Variants in MED14 observed in about 807,000 individuals in gnomAD.
The protein encoded by MED14 is mediator complex subunit 14.
In MED14, 8 loss-of-function variants were observed where a neutral mutation model predicts 109.0. The observed-to-expected ratio is 0.07, with a 90% CI of 0.04 to 0.13. MED14 has a LOEUF of 0.13. Ranked by LOEUF, MED14 falls within the 10% of genes least tolerant of loss-of-function variation. MED14 has a pLI of 1.00. For synonymous variants in MED14, 399 were observed against 408.7 expected (o/e 0.98, Z 0.29); for missense variants, 711 against 1,142.4 (o/e 0.62, Z 5.44).
At position 40,682,769 on chromosome X, in the gene MED14, T is replaced by C. The variant is rs1415317888; in HGVS notation, c.2219-20A>G. 1 of 1,205,120 alleles carries C rather than the reference T, an allele frequency of 8.3e-7. No homozygotes were observed. On this transcript the variant is annotated intron_variant, in intron 17 of 30. Transcript: ENST00000324817. ...ATGGTCCTACAGGATTAAAAGAGAA[T>C]ATTAATAGTAATCGATACCAAAAAA...
intron 19 of MED14, 81 bp from the exon 20 acceptor site, chrX:40,680,991 G>A: frequency 7.1e-6 from 5 of 706,294 alleles, no homozygotes; most frequent in South Asian, 3.0e-5. Flanking sequence ...TTAAAAGTAA[G>A]GCAAAACGCC....
intron 1 of MED14, among the ~76,000 whole-genome samples, chrX:40,730,786 G>A (rs1402544762): frequency 1.9e-5 from 2 of 107,648 alleles, no homozygotes; most frequent in African/African-American, 6.7e-5. Context: ...AGCACAATAA[G>A]ACAAGATTAC....
rs201344683 is a variant in MED14, at chrX:40,706,768, AT to A, written c.1285+2579del. Among the ~76,000 whole-genome samples the A allele has an allele frequency of 6.2e-3, 694 of 111,773 alleles. 6 individuals carry two copies. The highest frequency in any genetic ancestry group is 0.021 in the African/African-American group (643 of 30,813). Reference sequence around the variant, plus strand: ...AAAGTAATTTAACTATCCCTTGGCAATCATAGTTTTTTGTTTCTGTTTTTTA... The same window carrying A: ...AAAGTAATTTAACTATCCCTTGGCAACATAGTTTTTTGTTTCTGTTTTTTA... On this transcript the variant is annotated intron_variant, in intron 10 of 30. Coordinates refer to ENST00000324817, the MANE Select transcript of MED14 (RefSeq NM_004229.4).
intron 1 of MED14, among the ~76,000 whole-genome samples, chrX:40,731,071 G>A (rs139184195): frequency 0.054 from 5,858 of 108,215 alleles, 282 homozygotes; most frequent in African/African-American, 0.16. Flanking sequence ...AGCCCTGGAA[G>A]TCAAGGCTGC....
intron 15 of MED14, among the ~76,000 whole-genome samples, chrX:40,689,426 G>A (rs1218256363): frequency 8.9e-6 from 1 of 111,876 alleles, no homozygotes; most frequent in Non-Finnish European, 1.9e-5. Flanking sequence ...AGATGCGGTG[G>A]CTCACACCTG....
intron 24 of MED14, among the ~76,000 whole-genome samples, chrX:40,665,844 C>T (rs1407344888): frequency 8.0e-5 from 9 of 112,022 alleles, no homozygotes; most frequent in Non-Finnish European, 7.5e-5. Flanking sequence ...GATATGAGCA[C>T]AGATGGCACC....
At chrX:40,729,281 A>G (rs776084440) in intron 2 of MED14, 38 bp downstream of exon 2, 2 of 1,184,028 alleles carry the variant, frequency 1.7e-6, no homozygotes, top group Non-Finnish European at 2.3e-6. Flanking sequence ...AGATTGATCA[A>G]TAAAGAGACT....
At chrX:40,717,819 G>A (rs1457564176) in intron 3 of MED14, among the ~76,000 whole-genome samples, 2 of 112,237 alleles carry the variant, frequency 1.8e-5, no homozygotes, top group African/African-American at 3.2e-5. Context: ...CACTGCACCC[G>A]GCCATCTTCT....
chrX:40,716,173 T>C (rs763570025), intron 3 of MED14, among the ~76,000 whole-genome samples: 1 of 111,513 alleles, frequency 9.0e-6, no homozygotes, highest in Non-Finnish European at 1.9e-5. Context: ...AAAATGACTA[T>C]TATCAAAAAG....
chrX:40,718,986 T>C (rs1487430673), intron 3 of MED14, among the ~76,000 whole-genome samples: 1 of 112,131 alleles, frequency 8.9e-6, no homozygotes, highest in African/African-American at 3.2e-5. Flanking sequence ...ATAATCTCCT[T>C]TAGAATTTAA....
chrX:40,655,125 A>G (rs1481684362), intron 28 of MED14, 65 bp from the exon 29 acceptor site: 16 of 1,089,676 alleles, frequency 1.5e-5, no homozygotes, highest in Non-Finnish European at 2.0e-5. Flanking sequence ...TCTAGGTAGG[A>G]AAGTCTGAGA....
At chrX:40,730,866 G>A (rs1252807801) in intron 1 of MED14, among the ~76,000 whole-genome samples, 4 of 99,528 alleles carry the variant, frequency 4.0e-5, no homozygotes, top group East Asian at 3.5e-4. Context: ...GGTCAGGTAC[G>A]GTGGCTCACA....
chrX:40,713,317 C>A (rs973169836), intron 5 of MED14, among the ~76,000 whole-genome samples: 3 of 111,761 alleles, frequency 2.7e-5, no homozygotes, highest in African/African-American at 9.8e-5. Flanking sequence ...TCCCAAGCTG[C>A]AAATACCAGC....
intron 22 of MED14, among the ~76,000 whole-genome samples, chrX:40,672,580 A>C (rs927802768): frequency 2.7e-5 from 3 of 112,090 alleles, no homozygotes; most frequent in African/African-American, 9.7e-5. Flanking sequence ...AATAATTATC[A>C]ATTTTTTTCT....
chrX:40,702,648 T>C (rs1367016986), intron 11 of MED14, among the ~76,000 whole-genome samples: 1 of 111,781 alleles, frequency 8.9e-6, no homozygotes, highest in East Asian at 2.8e-4. Context: ...ACGCCTGGCC[T>C]AAATATAAGT....
At chrX:40,662,873 T>A (rs1328974395) in intron 26 of MED14, 52 bp downstream of exon 26, 4 of 963,430 alleles carry the variant, frequency 4.2e-6, no homozygotes, top group Admixed American at 5.2e-5. Flanking sequence ...CAGGACAATT[T>A]AGCATTTTAC....
chrX:40,655,922 C>T lies in MED14; in HGVS notation c.3973-862G>A, dbSNP rs192608704. ...CGTAAGACTGAAAAAAATACATCAG[C>T]TGCCATCTGGATTCCATCTATATAA... On this transcript the variant is annotated intron_variant, in intron 28 of 30. Transcript: ENST00000324817. 1.9e-3 allele frequency among the ~76,000 whole-genome samples: 205 copies of T among 110,749 alleles called. 1 individual carries two copies. Among genetic ancestry groups the T allele is most frequent in the Non-Finnish European group, 3.5e-3 (183 of 52,880 alleles).
intron 21 of MED14, among the ~76,000 whole-genome samples, chrX:40,679,146 C>T (rs747941576): frequency 1.8e-5 from 2 of 112,151 alleles, no homozygotes; most frequent in South Asian, 7.4e-4. Context: ...TTTTAAAAAG[C>T]ATCAGGCCAG....
intron 23 of MED14, among the ~76,000 whole-genome samples, chrX:40,669,704 T>G (rs986672423): frequency 1.3e-4 from 14 of 111,828 alleles, no homozygotes; most frequent in African/African-American, 4.6e-4. Flanking sequence ...AACAGCGCCC[T>G]GTCTCTCCAT....
Sources: gnomAD v4.1 joint callset for allele counts (sites outside exome capture counted in the v4.1 genomes callset) on GRCh38, gnomAD v4.1.1 for gene constraint, MANE v1.5 for transcripts, NCBI Gene and HGNC (gene_info 2026-07-23, HGNC 2026-07-21) for gene names.